Variants in ZNF438 observed in about 807,000 individuals in gnomAD.
ZNF438 encodes the protein zinc finger protein 438.
Under a neutral mutation model 38.0 loss-of-function variants are expected in ZNF438, and 25 were observed. The ratio of observed to expected loss-of-function variants is 0.66; its 90% confidence interval spans 0.48 to 0.92. The LOEUF (loss-of-function observed/expected upper bound fraction) is 0.92, where lower values mean the gene tolerates loss of function less well. Among genes scored for constraint, ZNF438 ranks in the 40% least tolerant of loss-of-function variants. ZNF438 has a pLI of 0.00. For synonymous variants in ZNF438, 372 were observed against 364.1 expected (o/e 1.02, Z -0.25); for missense variants, 1,007 against 999.6 (o/e 1.01, Z -0.10).
rs186281153 is a variant in ZNF438, at chr10:30,979,967, C to T, written c.-191-38316G>A. Among the ~76,000 whole-genome samples the T allele has an allele frequency of 9.2e-5, 14 of 152,280 alleles. No individual in the cohort carries two copies. The East Asian group carries it at 2.7e-3, about 29-fold the overall frequency. ...TGTGCTAGAGAGTCTTGGATATGCA[C>T]TTTTCTTCTCTCTAAATCTACCTCC... On this transcript the variant is annotated intron_variant, in intron 1 of 5. Transcript: ENST00000413025.
intron 2 of ZNF438, among the ~76,000 whole-genome samples, chr10:30,936,232 C>T (rs934002475): frequency 1.3e-5 from 2 of 152,186 alleles, no homozygotes; most frequent in Non-Finnish European, 2.9e-5. Context: ...TGGAAAAATA[C>T]ATGTAAAGAA....
At chr10:30,966,837 G>A (rs1371796617) in intron 1 of ZNF438, among the ~76,000 whole-genome samples, 1 of 152,082 alleles carries the variant, frequency 6.6e-6, no homozygotes, top group Non-Finnish European at 1.5e-5. Context: ...CTGTAAAACT[G>A]TATTCCAGAC....
intron 4 of ZNF438, among the ~76,000 whole-genome samples, chr10:30,856,880 T>C (rs1386087549): frequency 1.3e-5 from 2 of 152,170 alleles, no homozygotes; most frequent in African/African-American, 2.4e-5. Context: ...AAAGTGACAT[T>C]TACAGTTGGT....
intron 1 of ZNF438, among the ~76,000 whole-genome samples, chr10:30,967,745 C>T (rs1460316635): frequency 6.6e-6 from 1 of 152,138 alleles, no homozygotes; most frequent in Non-Finnish European, 1.5e-5. Flanking sequence ...GTCTTAAAAA[C>T]AGGAGGTTCG....
intron 2 of ZNF438, among the ~76,000 whole-genome samples, chr10:30,925,838 G>C (rs554455302): frequency 1.3e-5 from 2 of 152,270 alleles, no homozygotes; most frequent in South Asian, 4.1e-4. Flanking sequence ...TGCTTCATTA[G>C]CAATAAATGC....
chr10:30,961,892 GAAAAA>G (rs947031672), intron 1 of ZNF438, among the ~76,000 whole-genome samples: 3 of 67,094 alleles, frequency 4.5e-5, no homozygotes, highest in Non-Finnish European at 6.4e-5. Flanking sequence ...CATCCCAAAA[GAAAAA>G]AAAAAAAAAA....
intron 1 of ZNF438, among the ~76,000 whole-genome samples, chr10:30,993,678 C>A (rs567093674): frequency 6.6e-6 from 1 of 152,358 alleles, no homozygotes; most frequent in Admixed American, 6.5e-5. Context: ...AGAGTCCCCA[C>A]TAAAGTAATG....
At chr10:30,886,955 T>C (rs1036908661) in intron 3 of ZNF438, among the ~76,000 whole-genome samples, 3 of 152,244 alleles carry the variant, frequency 2.0e-5, no homozygotes, top group African/African-American at 7.2e-5. Flanking sequence ...TTATGATGAT[T>C]TGACATCTTA....
chr10:30,903,248 G>A (rs544384314), intron 3 of ZNF438, among the ~76,000 whole-genome samples: 16 of 152,310 alleles, frequency 1.1e-4, no homozygotes, highest in Non-Finnish European at 1.9e-4. Context: ...GGGCTCCCAC[G>A]GTGCAGCGGC....
intron 2 of ZNF438, among the ~76,000 whole-genome samples, chr10:30,936,230 T>C (rs1324503401): frequency 1.3e-5 from 2 of 152,144 alleles, no homozygotes; most frequent in Non-Finnish European, 1.5e-5. Flanking sequence ...AGTGGAAAAA[T>C]ACATGTAAAG....
rs151092334 is a variant in ZNF438, at chr10:31,001,800, T to C, written c.-192+30033A>G. Among the ~76,000 whole-genome samples, 168 of 152,306 alleles carry C rather than the reference T, an allele frequency of 1.1e-3. 1 individual carries two copies. Among genetic ancestry groups the C allele is most frequent in the Non-Finnish European group, 1.6e-3 (109 of 68,028 alleles). ...ATCCAATAATTTAGTTCAATAGTTA[T>C]TGAATAATTACTTGTATACCAGACC... On this transcript the variant is annotated intron_variant, in intron 1 of 5. Coordinates refer to ENST00000413025, the Ensembl canonical transcript of ZNF438.
intron 4 of ZNF438, among the ~76,000 whole-genome samples, chr10:30,875,925 CATCAT>C (rs958780902): frequency 2.4e-4 from 37 of 152,228 alleles, no homozygotes; most frequent in Admixed American, 2.3e-3. Context: ...GTAGTTTTAT[CATCAT>C]ATAAGTGCCT....
intron 2 of ZNF438, among the ~76,000 whole-genome samples, chr10:30,914,717 G>A (rs184320590): frequency 6.6e-6 from 1 of 151,974 alleles, no homozygotes; most frequent in Admixed American, 6.6e-5. Context: ...TTAAAAGGAG[G>A]CTTCCTCCAG....
At chr10:30,956,915 A>C (rs1302796164) in intron 1 of ZNF438, among the ~76,000 whole-genome samples, 1 of 152,202 alleles carries the variant, frequency 6.6e-6, no homozygotes, top group Non-Finnish European at 1.5e-5. Flanking sequence ...CCGTACAGTG[A>C]AACTGTTAGA....
At chr10:30,905,390 T>C (rs1329002376) in intron 3 of ZNF438, among the ~76,000 whole-genome samples, 2 of 152,244 alleles carry the variant, frequency 1.3e-5, no homozygotes, top group Non-Finnish European at 2.9e-5. Flanking sequence ...ATGTGCTCAT[T>C]GGCAATTTGC....
chr10:30,869,328 C>T lies in ZNF438; in HGVS notation c.37+7670G>A, dbSNP rs533996678. On this transcript the variant is annotated intron_variant, in intron 4 of 5. Transcript: ENST00000413025. ...GGCGGAGGTTGCAGTGAGCCAAGAT[C>T]ACACCATTGCACTCCAGCCTGGACA... is the stretch of plus-strand genomic sequence containing the variant. 3.7e-3 allele frequency among the ~76,000 whole-genome samples: 557 copies of T among 152,060 alleles called. 3 individuals carry two copies. The highest frequency in any genetic ancestry group is 0.012 in the African/African-American group (500 of 41,436).
chr10:30,956,656 C>T (rs903456765), intron 1 of ZNF438, among the ~76,000 whole-genome samples: 2 of 152,138 alleles, frequency 1.3e-5, no homozygotes, highest in Non-Finnish European at 2.9e-5. Context: ...AGATGCCTGG[C>T]TTATTTCACT....
chr10:30,943,800 A>T (rs1301005396), intron 1 of ZNF438, among the ~76,000 whole-genome samples: 1 of 152,188 alleles, frequency 6.6e-6, no homozygotes, highest in South Asian at 2.1e-4. Context: ...GCAAAGGTAC[A>T]CATCAAGCCT....
At chr10:30,919,977 T>C (rs2044105548) in intron 2 of ZNF438, 1 of 152,300 alleles carries the variant, frequency 6.6e-6, no homozygotes, top group Admixed American at 6.5e-5. Flanking sequence ...TCCTTGGTTT[T>C]CTGTGCCTCA....
Sources: allele counts gnomAD v4.1 joint callset (sites outside exome capture counted in the v4.1 genomes callset), GRCh38; gene constraint gnomAD v4.1.1; transcripts MANE v1.5; gene names NCBI Gene and HGNC (gene_info 2026-07-23, HGNC 2026-07-21).